Variants in CAP2 observed in about 807,000 individuals in gnomAD.
CAP2 encodes adenylyl cyclase-associated protein 2.
A neutral mutation model predicts 57.7 loss-of-function variants in CAP2; 24 were observed. The observed-to-expected ratio is 0.42, with a 90% CI of 0.30 to 0.58. CAP2 has a LOEUF of 0.58. Among genes scored for constraint, CAP2 ranks in the 20% least tolerant of loss-of-function variants. CAP2 has a pLI of 0.22. For synonymous variants in CAP2, 194 were observed against 207.2 expected (o/e 0.94, Z 0.55); for missense variants, 501 against 590.3 (o/e 0.85, Z 1.57).
intron 8 of CAP2, 45 bp from the exon 9 acceptor site, chr6:17,540,928 T>G (rs1248958917): frequency 2.1e-5 from 33 of 1,554,330 alleles, no homozygotes; most frequent in Non-Finnish European, 2.9e-5. Flanking sequence ...TAGAGACATT[T>G]CCCTTTGCAT....
At chr6:17,421,838 A>G (rs111845191) in intron 2 of CAP2, among the ~76,000 whole-genome samples, 162 bp downstream of exon 2, 2,932 of 152,358 alleles carry the variant, frequency 0.019, 46 homozygotes, top group South Asian at 0.059. Flanking sequence ...TCCCTGAAAA[A>G]GAGAAAGGAA....
At chr6:17,445,780 A>G (rs892804142) in intron 3 of CAP2, among the ~76,000 whole-genome samples, 4 of 152,190 alleles carry the variant, frequency 2.6e-5, no homozygotes, top group Admixed American at 6.5e-5. Context: ...TTTCTTAGAA[A>G]CTTGGAAGAC....
At chr6:17,422,269 T>C (rs577158374) in intron 2 of CAP2, among the ~76,000 whole-genome samples, 4 of 152,042 alleles carry the variant, frequency 2.6e-5, no homozygotes, top group East Asian at 1.9e-4. Context: ...GCTGGTCTTA[T>C]GCAAAGGCAA....
chr6:17,440,676 A>AT (rs1016486815), intron 3 of CAP2, among the ~76,000 whole-genome samples: 3 of 146,104 alleles, frequency 2.1e-5, no homozygotes, highest in East Asian at 2.0e-4. Context: ...TGTATCTCCC[A>AT]TTTTTTTATT....
At chr6:17,537,693 C>T (rs1010188045) in intron 7 of CAP2, among the ~76,000 whole-genome samples, 1 of 152,198 alleles carries the variant, frequency 6.6e-6, no homozygotes, top group East Asian at 1.9e-4. Flanking sequence ...TTCCATTACT[C>T]GCAATTTTTT....
intron 4 of CAP2, among the ~76,000 whole-genome samples, chr6:17,496,679 TA>T (rs1377401363): frequency 1.3e-5 from 2 of 152,066 alleles, no homozygotes; most frequent in South Asian, 2.1e-4. Context: ...ATGTTACCCT[TA>T]AAAGAGAAAG....
chr6:17,425,965 C>T (rs554650648), intron 2 of CAP2, among the ~76,000 whole-genome samples: 2 of 151,876 alleles, frequency 1.3e-5, no homozygotes, highest in African/African-American at 4.8e-5. Flanking sequence ...CACGGTGGCA[C>T]GCATCTATGG....
chr6:17,470,955 T>C (rs982133682), intron 4 of CAP2, among the ~76,000 whole-genome samples: 1 of 152,230 alleles, frequency 6.6e-6, no homozygotes, highest in African/African-American at 2.4e-5. Context: ...GATGTATCTA[T>C]GTATGTATGC....
chr6:17,448,919 G>A (rs1409409980), intron 3 of CAP2, among the ~76,000 whole-genome samples: 1 of 151,946 alleles, frequency 6.6e-6, no homozygotes, highest in African/African-American at 2.4e-5. Flanking sequence ...CCACCACCAC[G>A]CCAGGCTAAT....
chr6:17,492,788 T>C (rs970469484), intron 4 of CAP2, among the ~76,000 whole-genome samples: 76 of 152,324 alleles, frequency 5.0e-4, no homozygotes, highest in African/African-American at 1.7e-3. Context: ...CTCCTTTTTT[T>C]CATAGTACGA....
Position 17,543,624 on chromosome 6 carries a change from CAAAAAAAAAAAAAA to C in CAP2, c.1209+490_1209+503del, listed in dbSNP as rs66747239. Among the ~76,000 whole-genome samples, 658 of 83,932 alleles carry C rather than the reference CAAAAAAAAAAAAAA, an allele frequency of 7.8e-3. 6 individuals are homozygous for C. The highest frequency in any genetic ancestry group is 0.03 in the African/African-American group (627 of 20,838). 55.1% of individuals were successfully genotyped at this position (83,932 alleles called of 152,430 possible). A position where few individuals can be genotyped will look rare whatever the true frequency, so the allele number is the denominator to read the frequency against. ...TGGGCGACAGAGCAAGACTCCATCT[CAAAAAAAAAAAAAA>C]AAAAAAAAGAAGGAGCCTTGCTCCC... is the stretch of plus-strand genomic sequence containing the variant. On this transcript the variant is annotated intron_variant, in intron 11 of 12. Transcript: ENST00000229922.
intron 3 of CAP2, among the ~76,000 whole-genome samples, chr6:17,429,481 A>G (rs373441404): frequency 1.9e-4 from 29 of 152,278 alleles, no homozygotes; most frequent in African/African-American, 6.7e-4. Context: ...TAAGATTTGT[A>G]TGCTGTCTTC....
intron 1 of CAP2, among the ~76,000 whole-genome samples, chr6:17,413,241 A>G (rs1759186634): frequency 6.6e-6 from 1 of 152,212 alleles, no homozygotes; most frequent in East Asian, 1.9e-4. Flanking sequence ...TTTTTCTTAT[A>G]TAACTTTCTG....
chr6:17,413,806 C>A (rs1002236565), intron 1 of CAP2, among the ~76,000 whole-genome samples: 1 of 152,162 alleles, frequency 6.6e-6, no homozygotes, highest in African/African-American at 2.4e-5. Flanking sequence ...GTAATCCCAG[C>A]ACTTTGGGAG....
At chr6:17,524,942 G>A (rs1168015576) in intron 7 of CAP2, among the ~76,000 whole-genome samples, 46 of 147,776 alleles carry the variant, frequency 3.1e-4, no homozygotes, top group Non-Finnish European at 4.7e-4. Context: ...CACCCAGGCT[G>A]GAGTTCAGTG....
chr6:17,531,648 GAA>G, intron 7 of CAP2: 1 of 1,058,812 alleles, frequency 9.4e-7, no homozygotes, highest in East Asian at 2.4e-5. Context: ...GTTCCAGCCA[GAA>G]AAAGAGTGGT....
At chr6:17,468,234 A>G (rs1181986442) in intron 4 of CAP2, among the ~76,000 whole-genome samples, 1 of 152,078 alleles carries the variant, frequency 6.6e-6, no homozygotes, top group African/African-American at 2.4e-5. Context: ...TAAAGGATTC[A>G]TTGACAGCCC....
chr6:17,451,741 C>T (rs538499715), intron 3 of CAP2, among the ~76,000 whole-genome samples: 2 of 152,064 alleles, frequency 1.3e-5, no homozygotes, highest in Non-Finnish European at 2.9e-5. Flanking sequence ...AACTCCTGAC[C>T]GCAGGTGATC....
At position 17,421,632 on chromosome 6, in the gene CAP2, A is replaced by G; in HGVS notation, c.77A>G (p.His26Arg). 1 of 1,614,124 alleles carries G rather than the reference A, an allele frequency of 6.2e-7. No individual in the cohort carries two copies. Among genetic ancestry groups the G allele is most frequent in the Non-Finnish European group, 8.5e-7 (1 of 1,179,944 alleles). The change falls in exon 2 of 13, where the codon CAC becomes CGC. Residue 26 changes from histidine (H) to arginine (R), a missense_variant. By Grantham distance (29) the His-to-Arg change is conservative (BLOSUM62 0). Coordinates refer to ENST00000229922, the MANE Select transcript of CAP2 (RefSeq NM_006366.3). ...CTGGAGTCGCTGTCTGCAGAGTCCC[A>G]CAGGCCCCCTGGGAACTGCGGGGAA... The part of the protein sequence containing the change: ...SRLESLSAES[H>R]RPPGNCGEVN...
Sources: gnomAD v4.1 joint callset for allele counts (sites outside exome capture counted in the v4.1 genomes callset) on GRCh38, gnomAD v4.1.1 for gene constraint, MANE v1.5 for transcripts, NCBI Gene and HGNC (gene_info 2026-07-23, HGNC 2026-07-21) for gene names.